The following TOP6BL variants were observed in gnomAD, a reference collection of about 807,000 sequenced individuals.
TOP6BL encodes the protein TOP6B like initiator of meiotic double strand breaks.
chr11:66,767,451 T>A, the TOP6BL span, among the ~76,000 whole-genome samples: 1 of 152,162 alleles, frequency 6.6e-6, no homozygotes, highest in African/African-American at 2.4e-5. Flanking sequence ...ATGAAAAAAA[T>A]CCATGTTTAT....
At chr11:66,764,990 T>G in the TOP6BL span, among the ~76,000 whole-genome samples, 1 of 151,604 alleles carries the variant, frequency 6.6e-6, no homozygotes, top group East Asian at 1.9e-4. Flanking sequence ...GCTATATAAA[T>G]GGAGTATATT....
chr11:66,748,749 G>A, the TOP6BL span, among the ~76,000 whole-genome samples: 2 of 151,246 alleles, frequency 1.3e-5, no homozygotes, highest in Admixed American at 6.6e-5. Flanking sequence ...ACTGGTTTAA[G>A]TTAAAATTGC....
chr11:66,780,985 T>C, the TOP6BL span, among the ~76,000 whole-genome samples: 1 of 152,218 alleles, frequency 6.6e-6, no homozygotes, highest in Non-Finnish European at 1.5e-5. Context: ...ATTTTATCTT[T>C]ATCTTTGGTT....
the TOP6BL span, chr11:66,838,256 G>A: frequency 8.4e-6 from 7 of 830,544 alleles, no homozygotes; most frequent in Non-Finnish European, 1.4e-5. Flanking sequence ...GGAGTTCCAG[G>A]TGAGGGCAGA....
At chr11:66,793,444 GTT>G in the TOP6BL span, among the ~76,000 whole-genome samples, 10 of 97,980 alleles carry the variant, frequency 1.0e-4, no homozygotes, top group African/African-American at 3.0e-4. Context: ...TTCTTTTTTT[GTT>G]TTTTTTTTTT....
the TOP6BL span, among the ~76,000 whole-genome samples, chr11:66,750,197 A>ATT: frequency 6.6e-6 from 1 of 151,636 alleles, no homozygotes; most frequent in African/African-American, 2.4e-5. Flanking sequence ...GATCTATTTC[A>ATT]TTTTTTTTGT....
the TOP6BL span, among the ~76,000 whole-genome samples, chr11:66,783,933 C>T: frequency 2.0e-5 from 3 of 152,168 alleles, no homozygotes; most frequent in African/African-American, 4.8e-5. Flanking sequence ...TGAGGTAATC[C>T]TCCCACTTCA....
the TOP6BL span, among the ~76,000 whole-genome samples, chr11:66,754,342 G>A: frequency 1.3e-5 from 2 of 151,598 alleles, no homozygotes; most frequent in Non-Finnish European, 2.9e-5. Context: ...TTTTAAAATC[G>A]TTTCTCTCAT....
chr11:66,789,729 C>T, the TOP6BL span, among the ~76,000 whole-genome samples: 2 of 152,258 alleles, frequency 1.3e-5, no homozygotes, highest in Admixed American at 1.3e-4. Flanking sequence ...AGCATCCTGA[C>T]AAGTCTATGA....
At chr11:66,815,802 A>G in the TOP6BL span, 1 of 362,576 alleles carries the variant, frequency 2.8e-6, no homozygotes, top group South Asian at 7.0e-5. Flanking sequence ...AGAGCTTCTC[A>G]GTAATGTAAA....
the TOP6BL span, chr11:66,744,819 G>GGGGGGC: frequency 2.1e-3 from 2,525 of 1,230,528 alleles, 44 homozygotes; most frequent in African/African-American, 0.034. Context: ...GCTGAGGAGG[G>GGGGGGC]GGCGGCGGCG....
the TOP6BL span, among the ~76,000 whole-genome samples, chr11:66,838,707 G>A: frequency 1.3e-5 from 2 of 152,018 alleles, no homozygotes; most frequent in Non-Finnish European, 2.9e-5. Context: ...TAGGTAATAC[G>A]CAGATTCAGG....
At chr11:66,790,200 C>T in the TOP6BL span, among the ~76,000 whole-genome samples, 1 of 151,378 alleles carries the variant, frequency 6.6e-6, no homozygotes, top group African/African-American at 2.4e-5. Flanking sequence ...ACCCGGGAGG[C>T]GGAGCTTGAA....
At chr11:66,804,294 A>C in the TOP6BL span, 1 of 974,246 alleles carries the variant, frequency 1.0e-6, no homozygotes, top group South Asian at 1.9e-5. Flanking sequence ...CTACAAATAT[A>C]TATGATTTGT....
the TOP6BL span, among the ~76,000 whole-genome samples, chr11:66,784,650 T>C: frequency 6.6e-6 from 1 of 152,252 alleles, no homozygotes; most frequent in African/African-American, 2.4e-5. Context: ...ATGTAGCATT[T>C]AGTGTGTGGG....
At chr11:66,756,368 T>C in the TOP6BL span, 2 of 1,198,394 alleles carry the variant, frequency 1.7e-6, no homozygotes, top group African/African-American at 1.6e-5. Flanking sequence ...AGTCTCACTC[T>C]GTTACCCAGG....
At chr11:66,813,786 C>A in the TOP6BL span, 2 of 1,326,810 alleles carry the variant, frequency 1.5e-6, no homozygotes, top group South Asian at 1.2e-5. Flanking sequence ...TAAACCAGGT[C>A]AGTGTTGTTT....
At chr11:66,804,080 G>A in the TOP6BL span, 2 of 1,613,962 alleles carry the variant, frequency 1.2e-6, no homozygotes, top group East Asian at 4.5e-5. Flanking sequence ...CATCCCTGAA[G>A]ACGTGGCTGG....
At chr11:66,748,719 T>TA in the TOP6BL span, among the ~76,000 whole-genome samples, 1 of 152,168 alleles carries the variant, frequency 6.6e-6, no homozygotes, top group Admixed American at 6.6e-5. Flanking sequence ...GAATGACTCT[T>TA]ACCATAGATT....
Sources: gnomAD v4.1 joint callset for allele counts (sites outside exome capture counted in the v4.1 genomes callset) on GRCh38, gnomAD v4.1.1 for gene constraint, MANE v1.5 for transcripts, NCBI Gene and HGNC (gene_info 2026-07-23, HGNC 2026-07-21) for gene names.